Variants in NID2 observed in about 807,000 individuals in gnomAD.
The protein encoded by NID2 is nidogen-2.
A neutral mutation model predicts 145.4 loss-of-function variants in NID2; 83 were observed. The ratio of observed to expected loss-of-function variants is 0.57; its 90% CI spans 0.48 to 0.69. The LOEUF (loss-of-function observed/expected upper bound fraction) is 0.69. NID2 is among the 30% of genes least tolerant of loss of function. The pLI is 0.00. For synonymous variants in NID2, 739 were observed against 701.3 expected, an observed-to-expected ratio of 1.05 and a Z score of -0.85; for missense variants, 1,807 against 1,765.7, an observed-to-expected ratio of 1.02 and a Z score of -0.42.
At chr14:52,044,101 A>G (rs1234772338) in intron 5 of NID2, among the ~76,000 whole-genome samples, 3 of 152,132 alleles carry the variant, frequency 2.0e-5, no homozygotes, top group South Asian at 2.1e-4. Flanking sequence ...CCAAAGATCA[A>G]TCTTTACCCA....
At chr14:52,050,387 A>G (rs988253587) in intron 5 of NID2, among the ~76,000 whole-genome samples, 2 of 152,074 alleles carry the variant, frequency 1.3e-5, no homozygotes, top group African/African-American at 2.4e-5. Flanking sequence ...TCTCCCTCTC[A>G]GACTTTGACC....
At chr14:52,019,731 G>A (rs1462163040) in intron 13 of NID2, among the ~76,000 whole-genome samples, 3 of 152,298 alleles carry the variant, frequency 2.0e-5, no homozygotes, top group Non-Finnish European at 2.9e-5. Flanking sequence ...CCTGGCTACC[G>A]GCGCATAAGG....
chr14:52,038,916 CCA>C lies in NID2; in HGVS notation c.2086_2087del (p.Trp696ValfsTer38). On this transcript the variant is annotated frameshift_variant, in exon 9 of 22. Transcript: ENST00000216286. LOFTEE classifies it high-confidence loss of function. ...SLTFGAINQT[W>X]SYRIHQNITY... ...TGATGTTCTGGTGGATGCGGTAGGACCATGTTTGGTTGATTGCACCAAAAGTC... is the reference window on the plus strand; with the variant it reads ...TGATGTTCTGGTGGATGCGGTAGGACTGTTTGGTTGATTGCACCAAAAGTC... 7 of 1,614,092 alleles carry C rather than the reference CCA, an allele frequency of 4.3e-6. No homozygotes were observed. Among genetic ancestry groups the C allele is most frequent in the Non-Finnish European group, 5.9e-6 (7 of 1,180,010 alleles).
At position 52,049,805 on chromosome 14, in the gene NID2, A is replaced by G. The variant is rs138801180; in HGVS notation, c.1429+3774T>C. Among the ~76,000 whole-genome samples the G allele has an allele frequency of 1.1e-3, 169 of 152,296 alleles. 1 individual carries two copies. Among genetic ancestry groups the G allele is most frequent in the African/African-American group, 3.7e-3 (152 of 41,564 alleles). Reference sequence around the variant, plus strand: ...CTTTTACAACTGCTGGCATGACACTAACAGGCTCTCTCCACTTCTGGTGAA... The same window carrying G: ...CTTTTACAACTGCTGGCATGACACTGACAGGCTCTCTCCACTTCTGGTGAA... On this transcript the variant is annotated intron_variant, in intron 5 of 21. Transcript: ENST00000216286.
chr14:52,027,722 CTTTCT>C (rs1370400972), intron 11 of NID2, among the ~76,000 whole-genome samples: 1 of 145,932 alleles, frequency 6.9e-6, no homozygotes, highest in Non-Finnish European at 1.5e-5. Flanking sequence ...AGTGCATTTT[CTTTCT>C]TTTTTTTTTT....
chr14:52,037,603 C>G (rs547488206), intron 9 of NID2, among the ~76,000 whole-genome samples: 4 of 152,302 alleles, frequency 2.6e-5, no homozygotes, highest in African/African-American at 9.6e-5. Context: ...TGACTTTATT[C>G]TTTTCCAAGA....
rs2140340465 is a variant in NID2, at chr14:52,007,855, A to C, written c.3835T>G (p.Leu1279Val). The change falls in exon 19 of 22, where the codon TTA becomes GTA. Residue 1279 changes from leucine (L) to valine (V), a missense_variant. By Grantham distance (32) the Leu-to-Val change is conservative. Transcript: ENST00000216286. The part of the protein sequence containing the change: ...INTDIGLPNG[L>V]TFDPFSKLLC... The stretch of plus-strand genomic sequence containing the variant: ...AGTTTAGAGAAAGGGTCAAAGGTTA[A>C]GCCATTGGGCAATCCAATGTCTGTA... 6.2e-7 allele frequency: 1 copy of C among 1,613,978 alleles called. No homozygotes were observed. The highest frequency in any genetic ancestry group is 2.2e-5 in the East Asian group (1 of 44,872).
At position 52,005,499 on chromosome 14, in the gene NID2, G is replaced by T. The variant is rs754636093; in HGVS notation, c.4118-3C>A. On this transcript the variant is annotated splice_region_variant and splice_polypyrimidine_tract_variant and intron_variant, in intron 21 of 21. Transcript: ENST00000216286. ...ACATTACTGTACTTACTTTCTTCCT[G>T]TGAGAGAAGAGCAGGGGTGGGACAG... The T allele has an allele frequency of 2.3e-5, 36 of 1,598,578 alleles. No homozygotes were observed. Among genetic ancestry groups the T allele is most frequent in the Admixed American group, 7.0e-5 (4 of 56,818 alleles).
intron 2 of NID2, among the ~76,000 whole-genome samples, chr14:52,064,530 AATCCAT>A: frequency 6.6e-6 from 1 of 152,330 alleles, no homozygotes; most frequent in Non-Finnish European, 1.5e-5. Context: ...TGAATAAATT[AATCCAT>A]TCCTGAGGGC....
chr14:52,025,848 A>T lies in NID2; in HGVS notation c.2674+1353T>A, dbSNP rs1463898985. 3.9e-5 allele frequency among the ~76,000 whole-genome samples: 6 copies of T among 152,170 alleles called. No homozygotes were observed. The East Asian group carries it at 1.2e-3, about 29-fold the overall frequency. On this transcript the variant is annotated intron_variant, in intron 12 of 21. Coordinates refer to ENST00000216286, the MANE Select transcript of NID2 (RefSeq NM_007361.4). Reference sequence around the variant, plus strand: ...ACAGTGGAATGTAAGTTTCAACATGAGTTTTGAAGAAGACGAATATTCAAG... The same window carrying T: ...ACAGTGGAATGTAAGTTTCAACATGTGTTTTGAAGAAGACGAATATTCAAG...
chr14:52,066,322 A>AAG (rs1337334250), intron 2 of NID2, among the ~76,000 whole-genome samples: 8 of 101,670 alleles, frequency 7.9e-5, no homozygotes, highest in African/African-American at 3.4e-4. Context: ...AACGGGTACC[A>AAG]AAAAAAAAAA....
chr14:52,028,745 G>A lies in NID2; in HGVS notation c.2507C>T (p.Ala836Val). The A allele has an allele frequency of 3.1e-6, 5 of 1,613,054 alleles. No homozygotes were observed. Among genetic ancestry groups the A allele is most frequent in the Non-Finnish European group, 4.2e-6 (5 of 1,179,590 alleles). ...ACAGATGCAAGTATGCCGGTCATCT[G>A]CAAACTCATAACCACTCCGGCACTC... is the stretch of plus-strand genomic sequence containing the variant. ...RCECRSGYEF[A>V]DDRHTCILIT... The change falls in exon 11 of 22, where the codon GCA (alanine) becomes GTA (valine). Residue 836 changes from alanine (A) to valine (V), a missense_variant. Coordinates refer to ENST00000216286, the MANE Select transcript of NID2 (RefSeq NM_007361.4).
At chr14:52,019,034 C>G in intron 14 of NID2, 27 bp downstream of exon 14, 1 of 1,583,430 alleles carries the variant, frequency 6.3e-7, no homozygotes, top group African/African-American at 1.3e-5. Context: ...TGCCATTCTG[C>G]TTCTTGAGCC....
chr14:52,014,327 C>G lies in NID2; in HGVS notation c.3380G>C (p.Arg1127Thr), dbSNP rs760435036. 3 of 1,614,134 alleles carry G rather than the reference C, an allele frequency of 1.9e-6. No homozygotes were observed. The East Asian group carries it at 6.7e-5, about 36-fold the overall frequency. ...GGTCTTAGCTGCATCCTTCTGAAGC[C>G]TGGTGCCATTGAGGGGTAAGTAGCC... ...QIGYLPLNGTRLQKDAAKTLL... is the reference protein window; with the variant it reads ...QIGYLPLNGTTLQKDAAKTLL... The change falls in exon 16 of 22, where the codon AGG becomes ACG. Residue 1127 changes from arginine (R) to threonine (T), a missense_variant. Physicochemically the swap from Arg to Thr is moderately conservative, Grantham distance 71. Transcript: ENST00000216286.
chr14:52,032,061 C>T (rs1015671052), intron 9 of NID2, among the ~76,000 whole-genome samples: 3 of 152,212 alleles, frequency 2.0e-5, no homozygotes, highest in Non-Finnish European at 4.4e-5. Context: ...CCGTGCCTGC[C>T]CTACTGCCCA....
In NID2 at chr14:52,038,802, A is replaced by G. The variant is rs370990157; in HGVS notation, c.2202T>C (p.Asn734=). The change falls in exon 9 of 22, where the codon AAT becomes AAC. Residue 734 remains asparagine (N), a synonymous_variant. Transcript: ENST00000216286. The part of the protein sequence containing the change: ...LNVDRVFALY[N]DEERVLRFAV... ...CAAATCTAAGCACTCTTTCTTCGTC[A>G]TTATACAAGGCAAAGACCCGGTCCA... 4.5e-5 allele frequency: 72 copies of G among 1,612,060 alleles called. No individual in the cohort carries two copies. The highest frequency in any genetic ancestry group is 5.6e-5 in the Non-Finnish European group (66 of 1,179,330).
Position 52,053,848 on chromosome 14 carries a change from T to C in NID2, c.1160A>G (p.Asp387Gly). 6.2e-7 allele frequency: 1 copy of C among 1,614,130 alleles called. No individual in the cohort carries two copies. The highest frequency in any genetic ancestry group is 8.5e-7 in the Non-Finnish European group (1 of 1,180,016). ...PDLKGQVEPW[D>G]ERETRSPAPP... ...AGCTGGGCTTCTGGTCTCTCTCTCA[T>C]CCCAGGGCTCAACTTGGCCTTTTAA... Residue 387 changes from aspartate (D) to glycine (G), a missense_variant, in exon 5 of 22, where the codon GAT (aspartate) becomes GGT (glycine). By Grantham distance (94) the Asp-to-Gly change is moderately conservative (BLOSUM62 -1). Transcript: ENST00000216286.
intron 5 of NID2, among the ~76,000 whole-genome samples, chr14:52,051,042 G>A (rs1014731880): frequency 2.6e-5 from 4 of 152,210 alleles, no homozygotes; most frequent in Non-Finnish European, 4.4e-5. Context: ...CTCAGAGAAA[G>A]CATGCTTGCA....
Position 52,014,445 on chromosome 14 carries a change from CGGT to C in NID2, c.3259_3261del (p.Thr1087del). ...GTGGGCCGGACCATGGGTGGAGCGA[CGGT>C]GGGTATACCTGTGGGAGAGAGGGTG... On this transcript the variant is annotated inframe_deletion, in exon 16 of 22. Transcript: ENST00000216286. 1.9e-5 allele frequency: 30 copies of C among 1,610,170 alleles called. No homozygotes were observed. Among genetic ancestry groups the C allele is most frequent in the Non-Finnish European group, 2.5e-5 (30 of 1,177,956 alleles).
Sources: allele counts gnomAD v4.1 joint callset (sites outside exome capture counted in the v4.1 genomes callset), GRCh38; gene constraint gnomAD v4.1.1; transcripts MANE v1.5; gene names NCBI Gene and HGNC (gene_info 2026-07-23, HGNC 2026-07-21).